The following AGXT2 variants were observed in gnomAD, a reference collection of about 807,000 sequenced individuals.
AGXT2 encodes alanine--glyoxylate aminotransferase 2, mitochondrial.
AGXT2 carries 61 observed loss-of-function variants against 62.5 expected under a neutral mutation model. That is an observed-to-expected ratio of 0.98 (90% CI 0.79 to 1.21). The LOEUF (loss-of-function observed/expected upper bound fraction) is 1.21, where lower values mean the gene tolerates loss of function less well. AGXT2 is among the 50% of genes most tolerant of loss of function. AGXT2 has a pLI of 0.00. For synonymous variants in AGXT2, 243 were observed against 218.7 expected, an observed-to-expected ratio of 1.11 and a Z score of -0.98; for missense variants, 666 against 641.5, an observed-to-expected ratio of 1.04 and a Z score of -0.41.
Position 35,047,792 on chromosome 5 carries a change from G to C in AGXT2, c.88+13C>G, listed in dbSNP as rs749591909. The C allele has an allele frequency of 2.5e-6, 4 of 1,613,830 alleles. No homozygotes were observed. Among genetic ancestry groups the C allele is most frequent in the Middle Eastern group, 1.7e-4 (1 of 6,060 alleles). On this transcript the variant is annotated intron_variant, in intron 1 of 13. Transcript: ENST00000231420. The stretch of plus-strand genomic sequence containing the variant: ...ATCCTCTACTGACCCACGTCCCCCT[G>C]GTTTCCACTTACGGCTCAGGAAAGG...
At chr5:34,998,996 C>T (rs950594875) in intron 13 of AGXT2, among the ~76,000 whole-genome samples, 170 bp from the exon 14 acceptor site, 5 of 152,216 alleles carry the variant, frequency 3.3e-5, no homozygotes, top group Non-Finnish European at 5.9e-5. Flanking sequence ...ATTCACCCTC[C>T]AGTCTCCATA....
At chr5:35,040,053 G>T (rs982304034) in intron 2 of AGXT2, among the ~76,000 whole-genome samples, 21 of 151,784 alleles carry the variant, frequency 1.4e-4, no homozygotes, top group Non-Finnish European at 7.4e-5. Flanking sequence ...ATGCACGTGT[G>T]CATGCATAAC....
At chr5:35,029,609 G>A (rs1186863785) in intron 7 of AGXT2, among the ~76,000 whole-genome samples, 7 of 152,238 alleles carry the variant, frequency 4.6e-5, no homozygotes, top group Admixed American at 1.3e-4. Flanking sequence ...GATGACGAAG[G>A]AAGAATTTAT....
chr5:35,026,049 T>G, intron 8 of AGXT2, 194 bp from the exon 9 acceptor site: 1 of 623,646 alleles, frequency 1.6e-6, no homozygotes, highest in South Asian at 1.9e-5. Context: ...GGAAAAAAGA[T>G]GCAAACATTG....
intron 1 of AGXT2, among the ~76,000 whole-genome samples, chr5:35,043,830 A>G (rs1425732291): frequency 1.3e-5 from 2 of 152,150 alleles, no homozygotes; most frequent in African/African-American, 2.4e-5. Flanking sequence ...AGCTGGGACC[A>G]TAGGGGCATG....
At position 34,998,702 on chromosome 5, in the gene AGXT2, A is replaced by G. The variant is rs1561207362; in HGVS notation, c.*17T>C. 6.3e-7 allele frequency: 1 copy of G among 1,596,318 alleles called. No homozygotes were observed. Among genetic ancestry groups the G allele is most frequent in the Non-Finnish European group, 8.6e-7 (1 of 1,164,474 alleles). ...GCAAATTCTTGAGACTTGTGGTTTT[A>G]TTTATTTCTGACAATGTTACTTAGC... On this transcript the variant is annotated 3_prime_UTR_variant, in exon 14 of 14. Transcript: ENST00000231420.
At chr5:35,043,545 T>C (rs1768065689) in intron 1 of AGXT2, among the ~76,000 whole-genome samples, 1 of 152,206 alleles carries the variant, frequency 6.6e-6, no homozygotes, top group African/African-American at 2.4e-5. Flanking sequence ...TCTTTTTTTC[T>C]TTTTTGAGAC....
At position 35,039,368 on chromosome 5, in the gene AGXT2, A is replaced by G; in HGVS notation, c.318T>C (p.Asp106=). 6.2e-7 allele frequency: 1 copy of G among 1,614,150 alleles called. No individual in the cohort carries two copies. Among genetic ancestry groups the G allele is most frequent in the Non-Finnish European group, 8.5e-7 (1 of 1,179,970 alleles). The stretch of plus-strand genomic sequence containing the variant: ...TGACAGTAACAATCCCGGAAAAGAA[A>G]TCCAGGTATCTGCTTCCTTCAGCAT... ...LFDAEGSRYL[D]FFSGIVTVSV... The change falls in exon 3 of 14, where the codon GAT becomes GAC. Residue 106 remains aspartate (D), a synonymous_variant. Transcript: ENST00000231420.
intron 5 of AGXT2, 72 bp from the exon 6 acceptor site, chr5:35,033,625 A>T: frequency 2.5e-6 from 3 of 1,197,822 alleles, no homozygotes; most frequent in East Asian, 2.3e-5. Flanking sequence ...GAGAAAACCC[A>T]GGAAGGCTAT....
chr5:35,025,146 C>T (rs1435066608), intron 9 of AGXT2, among the ~76,000 whole-genome samples: 6 of 152,062 alleles, frequency 3.9e-5, no homozygotes, highest in South Asian at 4.1e-4. Flanking sequence ...GAGGCCAAGG[C>T]GGGCGGATCA....
chr5:35,042,666 A>T (rs954606865), intron 1 of AGXT2, among the ~76,000 whole-genome samples: 1 of 151,800 alleles, frequency 6.6e-6, no homozygotes, highest in South Asian at 2.1e-4. Context: ...ATGATGTAAG[A>T]GTTGAGGGTT....
rs561356493 is a variant in AGXT2, at chr5:35,018,669, C to T, written c.964-4550G>A. Among the ~76,000 whole-genome samples, 593 of 148,744 alleles carry T rather than the reference C, an allele frequency of 4.0e-3. 8 individuals are homozygous for T. The highest frequency in any genetic ancestry group is 0.014 in the African/African-American group (555 of 39,906). ...ACTAGGAAGAAACTGCATCAACTAA[C>T]GAGCAAAATAACCAGCTAACATCAT... is the stretch of plus-strand genomic sequence containing the variant. On this transcript the variant is annotated intron_variant, in intron 9 of 13. Transcript: ENST00000231420.
intron 7 of AGXT2, among the ~76,000 whole-genome samples, chr5:35,027,278 T>C (rs936342369): frequency 1.3e-5 from 2 of 152,224 alleles, no homozygotes; most frequent in African/African-American, 2.4e-5. Flanking sequence ...TGAGCAATTT[T>C]GCTTGAAGGC....
chr5:35,033,973 T>C (rs1664365975), intron 5 of AGXT2, among the ~76,000 whole-genome samples: 1 of 152,184 alleles, frequency 6.6e-6, no homozygotes, highest in South Asian at 2.1e-4. Flanking sequence ...TTACACACCT[T>C]ATAAATCACC....
intron 11 of AGXT2, among the ~76,000 whole-genome samples, chr5:35,010,691 C>A (rs1281908036): frequency 4.6e-5 from 7 of 151,822 alleles, no homozygotes; most frequent in Non-Finnish European, 8.8e-5. Flanking sequence ...CCTCAAAAAA[C>A]AAACAAAAAA....
At chr5:35,000,058 A>G (rs1185633109) in intron 13 of AGXT2, among the ~76,000 whole-genome samples, 2 of 152,236 alleles carry the variant, frequency 1.3e-5, no homozygotes, top group African/African-American at 2.4e-5. Flanking sequence ...ATCACTAAAA[A>G]GACTGGTTGG....
Position 35,025,809 on chromosome 5 carries a change from G to T in AGXT2, c.917C>A (p.Ala306Asp), listed in dbSNP as rs780748685. Residue 306 changes from alanine to aspartate, a missense_variant, in exon 9 of 14, where the codon GCC (alanine) becomes GAC (aspartate). By Grantham distance (126) the Ala-to-Asp change is moderately radical. Transcript: ENST00000231420. ...TCCCCTTGCTCGCACCAGCTCAAAGGCTTCCTTTAGAAACCCCTTTGGGTA... is the reference window on the plus strand; with the variant it reads ...TCCCCTTGCTCGCACCAGCTCAAAGTCTTCCTTTAGAAACCCCTTTGGGTA... ...VQYPKGFLKE[A>D]FELVRARGGV... 7.4e-6 allele frequency: 12 copies of T among 1,613,950 alleles called. No individual in the cohort carries two copies. The Middle Eastern group carries it at 1.3e-3, about 177-fold the overall frequency.
chr5:35,015,709 G>C (rs1476761583), intron 9 of AGXT2, among the ~76,000 whole-genome samples: 1 of 151,926 alleles, frequency 6.6e-6, no homozygotes, highest in East Asian at 1.9e-4. Flanking sequence ...AATTGTCTGA[G>C]TGTGGTGGCG....
intron 7 of AGXT2, among the ~76,000 whole-genome samples, chr5:35,031,651 G>A (rs184527345): frequency 1.1e-4 from 17 of 152,288 alleles, no homozygotes; most frequent in Admixed American, 1.0e-3. Context: ...TAAAGAATGC[G>A]AATAAAAATG....
Sources: gnomAD v4.1 joint callset for allele counts (sites outside exome capture counted in the v4.1 genomes callset) on GRCh38, gnomAD v4.1.1 for gene constraint, MANE v1.5 for transcripts, NCBI Gene and HGNC (gene_info 2026-07-23, HGNC 2026-07-21) for gene names.